The following EXOC6 variants were observed in gnomAD, a reference collection of about 807,000 sequenced individuals.
EXOC6 encodes the protein SEC15-like 1.
Under a neutral mutation model 112.5 loss-of-function variants are expected in EXOC6, and 60 were observed. The ratio of observed to expected loss-of-function variants is 0.53; its 90% confidence interval spans 0.43 to 0.66. The LOEUF is 0.66. EXOC6 is among the 30% of genes least tolerant of loss of function. EXOC6 has a pLI of 0.00. For synonymous variants in EXOC6, 295 were observed against 308.0 expected, an observed-to-expected ratio of 0.96 and a Z score of 0.44; for missense variants, 855 against 957.1, an observed-to-expected ratio of 0.89 and a Z score of 1.41.
Position 92,840,974 on chromosome 10 carries a change from C to T in EXOC6, c.86+6150C>T, listed in dbSNP as rs376153866. Among the ~76,000 whole-genome samples, 7 of 152,154 alleles carry T rather than the reference C, an allele frequency of 4.6e-5. No homozygotes were observed. In the South Asian group the frequency reaches 8.3e-4, roughly 18 times the overall value. On this transcript the variant is annotated intron_variant, in intron 1 of 21. Coordinates refer to the EXOC6 transcript ENST00000371552. ...TACCCAGCCTATTTATAGGGTATAA[C>T]GTGACGTTTCACTGTCTGTTTACAG...
At chr10:93,025,713 A>G (rs1844998041) in intron 20 of EXOC6, among the ~76,000 whole-genome samples, 1 of 152,222 alleles carries the variant, frequency 6.6e-6, no homozygotes, top group Non-Finnish European at 1.5e-5. Context: ...TGCAAAATAT[A>G]TGTGGATCTC....
At chr10:92,948,493 G>T in intron 14 of EXOC6, 114 bp downstream of exon 14, 1 of 605,836 alleles carries the variant, frequency 1.7e-6, no homozygotes, top group Non-Finnish European at 2.8e-6. Context: ...TTCTTGAGGG[G>T]CAACTTTTTG....
intron 5 of EXOC6, among the ~76,000 whole-genome samples, chr10:92,903,586 T>G (rs1489404139): frequency 6.6e-6 from 1 of 152,054 alleles, no homozygotes; most frequent in Non-Finnish European, 1.5e-5. Flanking sequence ...TTTGGCTGTT[T>G]GTATGTTTTC....
chr10:92,849,137 G>C (rs1847199408), intron 1 of EXOC6, among the ~76,000 whole-genome samples: 1 of 152,130 alleles, frequency 6.6e-6, no homozygotes. Context: ...TTGAAATTGA[G>C]CGGGAGACGC....
intron 19 of EXOC6, among the ~76,000 whole-genome samples, chr10:93,005,254 T>C (rs1312392141): frequency 1.3e-5 from 2 of 152,188 alleles, no homozygotes. Flanking sequence ...TATAACTGCA[T>C]GTTTGGAGAC....
intron 14 of EXOC6, among the ~76,000 whole-genome samples, chr10:92,950,505 G>A (rs1853341435): frequency 6.6e-6 from 1 of 152,056 alleles, no homozygotes; most frequent in Admixed American, 6.6e-5. Context: ...TAGATTTTCA[G>A]TCTTTGGTGT....
Position 92,955,684 on chromosome 10 carries a change from T to G in EXOC6, c.1743T>G (p.Thr581=). 6.2e-7 allele frequency: 1 copy of G among 1,610,110 alleles called. No individual in the cohort carries two copies. Among genetic ancestry groups the G allele is most frequent in the Non-Finnish European group, 8.5e-7 (1 of 1,178,636 alleles). The change falls in exon 17 of 22, where the codon ACT becomes ACG. Residue 581 remains threonine (T), a synonymous_variant. Transcript: ENST00000260762. ...ATATTTCCCAAGAAACTGTTCATAC[T>G]ACAAGACTTTATGGACTTTCTACTT... The part of the protein sequence containing the change: ...ITNISQETVH[T]TRLYGLSTFK...
chr10:92,866,710 G>A (rs1003197685), intron 1 of EXOC6, among the ~76,000 whole-genome samples: 6 of 152,028 alleles, frequency 3.9e-5, no homozygotes, highest in Admixed American at 3.3e-4. Flanking sequence ...AATCTTAGCA[G>A]AATAAAATGA....
chr10:92,896,296 C>T (rs1849822505), intron 4 of EXOC6, among the ~76,000 whole-genome samples: 1 of 135,036 alleles, frequency 7.4e-6, no homozygotes, highest in Non-Finnish European at 1.5e-5. Flanking sequence ...CTTCTGGGCT[C>T]AAGTCATTCT....
At chr10:92,858,775 G>GT (rs553799240) in intron 1 of EXOC6, among the ~76,000 whole-genome samples, 4 of 151,480 alleles carry the variant, frequency 2.6e-5, no homozygotes, top group African/African-American at 9.7e-5. Context: ...TCTTTCTTTC[G>GT]TTTTTTTTGA....
At chr10:92,893,061 T>C (rs148061692) in intron 1 of EXOC6, among the ~76,000 whole-genome samples, 7 of 152,342 alleles carry the variant, frequency 4.6e-5, no homozygotes, top group African/African-American at 1.4e-4. Context: ...AGTAATTCTT[T>C]GTTTTTGAAT....
At chr10:92,863,916 A>G (rs1435230234) in intron 1 of EXOC6, among the ~76,000 whole-genome samples, 6 of 149,346 alleles carry the variant, frequency 4.0e-5, no homozygotes, top group Admixed American at 4.0e-4. Flanking sequence ...CTCCATCTCA[A>G]AAAAAAAAAA....
intron 6 of EXOC6, among the ~76,000 whole-genome samples, chr10:92,913,707 C>G (rs1399056858): frequency 1.3e-5 from 2 of 152,174 alleles, no homozygotes; most frequent in African/African-American, 4.8e-5. Context: ...TACCATTGTA[C>G]TTTTCACACT....
At chr10:92,908,010 T>A (rs1475110653) in intron 5 of EXOC6, among the ~76,000 whole-genome samples, 1 of 151,452 alleles carries the variant, frequency 6.6e-6, no homozygotes, top group African/African-American at 2.4e-5. Flanking sequence ...TGAGAGTATA[T>A]GCCAGAAAAC....
At chr10:93,038,931 T>G (rs1564930939) in intron 20 of EXOC6, among the ~76,000 whole-genome samples, 1 of 152,166 alleles carries the variant, frequency 6.6e-6, no homozygotes, top group Non-Finnish European at 1.5e-5. Flanking sequence ...ATCTTCTAAT[T>G]TAGATGGTGC....
At chr10:92,916,542 C>T (rs1412818683) in intron 7 of EXOC6, among the ~76,000 whole-genome samples, 1 of 152,050 alleles carries the variant, frequency 6.6e-6, no homozygotes, top group East Asian at 1.9e-4. Flanking sequence ...AACTATCTTA[C>T]AAGGTCAATC....
At chr10:92,942,238 T>A (rs1189416826) in intron 13 of EXOC6, among the ~76,000 whole-genome samples, 2 of 151,964 alleles carry the variant, frequency 1.3e-5, no homozygotes, top group African/African-American at 4.8e-5. Flanking sequence ...AAATAAAAAA[T>A]AAAAAAATTA....
intron 18 of EXOC6, among the ~76,000 whole-genome samples, chr10:92,992,948 T>C (rs1349218855): frequency 6.6e-6 from 1 of 151,734 alleles, no homozygotes; most frequent in African/African-American, 2.4e-5. Flanking sequence ...TTAAAATACT[T>C]CCCTTCTTTT....
At chr10:93,013,555 C>T (rs979791932) in intron 19 of EXOC6, among the ~76,000 whole-genome samples, 3 of 152,036 alleles carry the variant, frequency 2.0e-5, no homozygotes, top group Non-Finnish European at 4.4e-5. Flanking sequence ...TTGCAATGAG[C>T]CGAGATGGCG....
Sources: gnomAD v4.1 joint callset for allele counts (sites outside exome capture counted in the v4.1 genomes callset) on GRCh38, gnomAD v4.1.1 for gene constraint, MANE v1.5 for transcripts, NCBI Gene and HGNC (gene_info 2026-07-23, HGNC 2026-07-21) for gene names.